NDST3: variants seen among roughly 807,000 people sequenced by gnomAD.
NDST3 encodes N-deacetylase and N-sulfotransferase 3.
NDST3 carries 58 observed loss-of-function variants against 96.1 expected under a neutral mutation model. The ratio of observed to expected loss-of-function variants is 0.60; its 90% CI spans 0.49 to 0.75. The LOEUF (loss-of-function observed/expected upper bound fraction) is 0.75. Among genes scored for constraint, NDST3 ranks in the 30% least tolerant of loss-of-function variants. The pLI, the probability that NDST3 is intolerant of heterozygous loss-of-function variation, is 0.00. For synonymous variants in NDST3, 333 were observed against 359.7 expected (o/e 0.93, Z 0.84); for missense variants, 788 against 1,034.2 (o/e 0.76, Z 3.27).
chr4:118,104,435 ACT>A lies in NDST3; in HGVS notation c.982-580_982-579del, dbSNP rs559761575. Among the ~76,000 whole-genome samples the A allele has an allele frequency of 4.7e-4, 71 of 152,276 alleles. 1 individual carries two copies. Among genetic ancestry groups the A allele is most frequent in the Admixed American group, 4.3e-3 (66 of 15,290 alleles). ...TATTTTATAGGATATAACAATTAAA[ACT>A]CTGATTCAAAATAGCTTTACTTATC... On this transcript the variant is annotated intron_variant, in intron 2 of 13. Transcript: ENST00000296499.
chr4:118,201,329 G>T (rs920821637), intron 6 of NDST3, among the ~76,000 whole-genome samples: 11 of 152,168 alleles, frequency 7.2e-5, no homozygotes, highest in African/African-American at 2.4e-4. Context: ...ATGAATGGTA[G>T]CCCTGTTTTA....
At chr4:118,166,303 GA>G (rs1268307306) in intron 6 of NDST3, among the ~76,000 whole-genome samples, 1 of 151,714 alleles carries the variant, frequency 6.6e-6, no homozygotes, top group African/African-American at 2.4e-5. Flanking sequence ...GAATAACCTA[GA>G]AAAAATGGAT....
At chr4:118,171,914 T>C (rs558419103) in intron 6 of NDST3, among the ~76,000 whole-genome samples, 1 of 152,212 alleles carries the variant, frequency 6.6e-6, no homozygotes, top group African/African-American at 2.4e-5. Flanking sequence ...AACGTAGGTG[T>C]CCTGGGATGA....
intron 6 of NDST3, among the ~76,000 whole-genome samples, chr4:118,184,600 T>TACA (rs1560703433): frequency 1.1e-5 from 1 of 89,506 alleles, no homozygotes. Flanking sequence ...TCTCTCTCTC[T>TACA]CTACACACAC....
chr4:118,233,252 C>T, intron 9 of NDST3, 117 bp downstream of exon 9: 1 of 909,582 alleles, frequency 1.1e-6, no homozygotes, highest in Non-Finnish European at 1.5e-6. Flanking sequence ...AACCTCTGTG[C>T]CTTGGAAATT....
chr4:118,056,203 T>C (rs1455751120), intron 2 of NDST3, among the ~76,000 whole-genome samples: 1 of 151,974 alleles, frequency 6.6e-6, no homozygotes, highest in Non-Finnish European at 1.5e-5. Flanking sequence ...ATGAATATAT[T>C]TCTGAAGTGA....
chr4:118,159,907 T>G (rs1734974812), intron 6 of NDST3, among the ~76,000 whole-genome samples: 1 of 152,158 alleles, frequency 6.6e-6, no homozygotes, highest in East Asian at 1.9e-4. Flanking sequence ...GAAGAAAGTC[T>G]AAGGGACTTA....
At chr4:118,119,583 A>G (rs950096110) in intron 4 of NDST3, among the ~76,000 whole-genome samples, 2 of 152,238 alleles carry the variant, frequency 1.3e-5, no homozygotes, top group South Asian at 2.1e-4. Context: ...TGTTCAGAGC[A>G]AAATGACCAA....
chr4:118,054,074 T>C lies in NDST3; in HGVS notation c.164T>C (p.Leu55Pro), dbSNP rs762932919. The C allele has an allele frequency of 3.8e-5, 61 of 1,612,840 alleles. No homozygotes were observed. Among genetic ancestry groups the C allele is most frequent in the Non-Finnish European group, 4.9e-5 (58 of 1,179,332 alleles). The change falls in exon 2 of 14, where the codon CTC (leucine) becomes CCC (proline). Residue 55 changes from leucine to proline, a missense_variant. Physicochemically the swap from Leu to Pro is moderately conservative, Grantham distance 98. Coordinates refer to ENST00000296499, the MANE Select transcript of NDST3 (RefSeq NM_004784.3). ...ETASEVDCGDLQHLPYQLMEV... is the reference protein window; with the variant it reads ...ETASEVDCGDPQHLPYQLMEV... ...GCTTCAGAAGTTGACTGTGGCGACC[T>C]CCAACACCTACCATATCAACTAATG...
At chr4:118,244,128 C>T (rs1741165737) in intron 12 of NDST3, among the ~76,000 whole-genome samples, 1 of 152,136 alleles carries the variant, frequency 6.6e-6, no homozygotes, top group African/African-American at 2.4e-5. Flanking sequence ...TTTATATTTT[C>T]TTGTCAATCA....
intron 12 of NDST3, 23 bp from the exon 13 acceptor site, chr4:118,253,476 G>A (rs766181139): frequency 1.4e-6 from 2 of 1,474,184 alleles, no homozygotes; most frequent in African/African-American, 1.6e-5. Context: ...TGGTTTTTCT[G>A]TGTGTATTCT....
chr4:118,207,114 T>C (rs1738483810), intron 6 of NDST3, among the ~76,000 whole-genome samples: 1 of 140,700 alleles, frequency 7.1e-6, no homozygotes, highest in African/African-American at 2.7e-5. Flanking sequence ...CTTCCATCTG[T>C]GTTTTAAAAA....
intron 2 of NDST3, among the ~76,000 whole-genome samples, chr4:118,075,437 G>T (rs1319797064): frequency 1.3e-5 from 2 of 152,178 alleles, no homozygotes; most frequent in Non-Finnish European, 2.9e-5. Context: ...TGGGTCAAAT[G>T]ATATTTCTAG....
Position 118,054,364 on chromosome 4 carries a change from A to C in NDST3, c.454A>C (p.Lys152Gln). 6.2e-6 allele frequency: 10 copies of C among 1,612,882 alleles called. No homozygotes were observed. The highest frequency in any genetic ancestry group is 7.6e-6 in the Non-Finnish European group (9 of 1,179,304). ...MDSWNRSLLD[K>Q]YCVEYGVGVI... ...TTCCTGGAATCGAAGCCTTCTAGATAAATACTGTGTAGAATATGGTGTGGG... is the reference window on the plus strand; with the variant it reads ...TTCCTGGAATCGAAGCCTTCTAGATCAATACTGTGTAGAATATGGTGTGGG... The change falls in exon 2 of 14, where the codon AAA becomes CAA. Residue 152 changes from lysine to glutamine, a missense_variant. Coordinates refer to ENST00000296499, the MANE Select transcript of NDST3 (RefSeq NM_004784.3).
In NDST3 at chr4:118,093,556, A is replaced by G. The variant is rs78824520; in HGVS notation, c.982-11462A>G. Among the ~76,000 whole-genome samples, 590 of 151,940 alleles carry G rather than the reference A, an allele frequency of 3.9e-3. 2 individuals are homozygous for G. The highest frequency in any genetic ancestry group is 0.017 in the Middle Eastern group (5 of 294). On this transcript the variant is annotated intron_variant, in intron 2 of 13. Transcript: ENST00000296499. ...TGCCTGTACCCTAACTTATATATGT[A>G]TCTAATTTTTGTGCTGATTTACACT... is the stretch of plus-strand genomic sequence containing the variant.
chr4:118,055,449 T>C (rs1350004922), intron 2 of NDST3: 2 of 156,116 alleles, frequency 1.3e-5, no homozygotes, highest in East Asian at 1.9e-4. Context: ...AACATGAGGA[T>C]TTAACTTGAT....
intron 6 of NDST3, among the ~76,000 whole-genome samples, chr4:118,144,802 G>A (rs1733824447): frequency 6.6e-6 from 1 of 151,926 alleles, no homozygotes; most frequent in Non-Finnish European, 1.5e-5. Context: ...AATAAAATTT[G>A]CAAAACCCCT....
chr4:118,188,360 C>T (rs192039905), intron 6 of NDST3, among the ~76,000 whole-genome samples: 161 of 148,386 alleles, frequency 1.1e-3, no homozygotes, highest in African/African-American at 3.3e-3. Context: ...TTATCATTTC[C>T]ATGATGAATC....
chr4:118,115,991 C>T (rs1161529493), intron 4 of NDST3, among the ~76,000 whole-genome samples: 2 of 152,134 alleles, frequency 1.3e-5, no homozygotes, highest in Admixed American at 6.5e-5. Flanking sequence ...TAGTGCTCCT[C>T]CATGCTGATA....
Sources: allele counts gnomAD v4.1 joint callset (sites outside exome capture counted in the v4.1 genomes callset), GRCh38; gene constraint gnomAD v4.1.1; transcripts MANE v1.5; gene names NCBI Gene and HGNC (gene_info 2026-07-23, HGNC 2026-07-21).